Variants in OR5L1 observed in about 807,000 individuals in gnomAD.
OR5L1 encodes the protein olfactory receptor 5L1.
For synonymous variants in OR5L1, 197 were observed against 146.6 expected (o/e 1.34, Z -2.49); for missense variants, 398 against 365.8 (o/e 1.09, Z -0.72).
Position 55,811,372 on chromosome 11 carries a change from C to T in OR5L1, c.-95C>T. On this transcript the variant is annotated 5_prime_UTR_variant, in exon 1 of 1. Transcript: ENST00000625203. ...TAAACTATCCTACTTTTTCTGGTGTCTTTTTACAGGATACAGCCAAAACTA... is the reference window on the plus strand; with the variant it reads ...TAAACTATCCTACTTTTTCTGGTGTTTTTTTACAGGATACAGCCAAAACTA... The T allele has an allele frequency of 7.5e-7, 1 of 1,331,766 alleles. No individual in the cohort carries two copies. The highest frequency in any genetic ancestry group is 1.0e-6 in the Non-Finnish European group (1 of 984,776). The allele number at this position is 1,331,766 out of a possible 1,614,324, so 82.5% of individuals were successfully genotyped here.
rs34961497 is a variant in OR5L1, at chr11:55,811,626, C to G, written c.160C>G (p.Arg54Gly). 6.2e-7 allele frequency: 1 copy of G among 1,613,444 alleles called. No homozygotes were observed. Among genetic ancestry groups the G allele is most frequent in the Non-Finnish European group, 8.5e-7 (1 of 1,179,676 alleles). ...GATTGCACTGATTCAGGTCAGCTCTCGGCTCCACACCCCCATGTACTTTTT... is the reference window on the plus strand; with the variant it reads ...GATTGCACTGATTCAGGTCAGCTCTGGGCTCCACACCCCCATGTACTTTTT... ...GMIALIQVSS[R>G]LHTPMYFFLS... The change falls in exon 1 of 1, where the codon CGG becomes GGG. Residue 54 changes from arginine (R) to glycine (G), a missense_variant. Transcript: ENST00000625203.
At position 55,811,708 on chromosome 11, in the gene OR5L1, T is replaced by C. The variant is rs1287690301; in HGVS notation, c.242T>C (p.Met81Thr). The change falls in exon 1 of 1, where the codon ATG becomes ACG. Residue 81 changes from methionine to threonine, a missense_variant. Met to Thr is a moderately conservative substitution (Grantham distance 81). Coordinates refer to ENST00000625203, the MANE Select transcript of OR5L1 (RefSeq NM_001004738.2). ...FCYSSIIVPK[M>T]LANIFNKDKA... The stretch of plus-strand genomic sequence containing the variant: ...TACTCCTCAATAATTGTGCCAAAAA[T>C]GTTGGCTAATATCTTTAACAAGGAC... 2 of 1,614,106 alleles carry C rather than the reference T, an allele frequency of 1.2e-6. No individual in the cohort carries two copies. Among genetic ancestry groups the C allele is most frequent in the Admixed American group, 1.7e-5 (1 of 60,016 alleles).
In OR5L1 at chr11:55,811,871, C is replaced by T. The variant is rs775584739; in HGVS notation, c.405C>T (p.Thr135=). 1.2e-6 allele frequency: 2 copies of T among 1,613,894 alleles called. No homozygotes were observed. The highest frequency in any genetic ancestry group is 1.3e-5 in the African/African-American group (1 of 74,776). ...GTAACCCTTTGCTATACACAGTCAC[C>T]ATGTCTTGGAAGGTGCGTGTGGAGC... The part of the protein sequence containing the change: ...AICNPLLYTV[T]MSWKVRVELA... Residue 135 remains threonine, a synonymous_variant, in exon 1 of 1, where the codon ACC becomes ACT. Coordinates refer to ENST00000625203, the MANE Select transcript of OR5L1 (RefSeq NM_001004738.2).
At position 55,812,220 on chromosome 11, in the gene OR5L1, C is replaced by A; in HGVS notation, c.754C>A (p.His252Asn). ...ASHLTAITVF[H>N]GTVLSIYCRP... ...CCACCTCACAGCTATCACTGTCTTCCATGGAACAGTCCTTTCCATTTATTG... is the reference window on the plus strand; with the variant it reads ...CCACCTCACAGCTATCACTGTCTTCAATGGAACAGTCCTTTCCATTTATTG... The change falls in exon 1 of 1, where the codon CAT becomes AAT. Residue 252 changes from histidine to asparagine, a missense_variant. Transcript: ENST00000625203. 6.2e-7 allele frequency: 1 copy of A among 1,613,906 alleles called. No homozygotes were observed. Among genetic ancestry groups the A allele is most frequent in the Non-Finnish European group, 8.5e-7 (1 of 1,180,006 alleles).
At position 55,811,476 on chromosome 11, in the gene OR5L1, G is replaced by A. The variant is rs149863919; in HGVS notation, c.10G>A (p.Glu4Lys). 1.2e-6 allele frequency: 2 copies of A among 1,611,030 alleles called. No homozygotes were observed. The highest frequency in any genetic ancestry group is 1.7e-5 in the Admixed American group (1 of 59,746). Reference protein sequence around the residue: MGKENCTTVAEFIL... With the variant: MGKKNCTTVAEFIL... ...CATATAAATTGGAGACATGGGCAAG[G>A]AAAACTGCACCACTGTGGCTGAGTT... Residue 4 changes from glutamate (E) to lysine (K), a missense_variant, in exon 1 of 1, where the codon GAA becomes AAA. Coordinates refer to ENST00000625203, the MANE Select transcript of OR5L1 (RefSeq NM_001004738.2).
At position 55,811,814 on chromosome 11, in the gene OR5L1, C is replaced by G. The variant is rs569106078; in HGVS notation, c.348C>G (p.Ala116=). The part of the protein sequence containing the change: ...TCVVTEVFLL[A]VMAYDRFVAI... ...TGGTCACTGAGGTCTTCCTGCTGGC[C>G]GTGATGGCCTATGACCGCTTTGTGG... The change falls in exon 1 of 1, where the codon GCC becomes GCG. Residue 116 remains alanine, a synonymous_variant. Transcript: ENST00000625203. 2 of 1,614,008 alleles carry G rather than the reference C, an allele frequency of 1.2e-6. No individual in the cohort carries two copies. Among genetic ancestry groups the G allele is most frequent in the Non-Finnish European group, 1.7e-6 (2 of 1,180,034 alleles).
rs1249263359 is a variant in OR5L1 at position 55,812,177 on chromosome 11, C to T, written c.711C>T (p.Ala237=). 3.7e-6 allele frequency: 6 copies of T among 1,613,844 alleles called. No homozygotes were observed. The highest frequency in any genetic ancestry group is 2.7e-5 in the African/African-American group (2 of 74,742). ...GCTCTGCAGAGGGCAGGCACAAAGC[C>T]TTCTCCACCTGTGCTTCCCACCTCA... ...KMGSAEGRHK[A]FSTCASHLTA... The change falls in exon 1 of 1, where the codon GCC becomes GCT. Residue 237 remains alanine, a synonymous_variant. Coordinates refer to ENST00000625203, the MANE Select transcript of OR5L1 (RefSeq NM_001004738.2).
chr11:55,812,393 T>G lies in OR5L1; in HGVS notation c.927T>G (p.Ile309Met). Reference sequence around the variant, plus strand: ...TCAGAAAAGTGATGGGCTCCAAAATTCACTCCTAGGGAAGATTTTATTAGC... The same window carrying G: ...TCAGAAAAGTGATGGGCTCCAAAATGCACTCCTAGGGAAGATTTTATTAGC... ...EALRKVMGSK[I>M]HS is the part of the protein sequence containing the mutation. Residue 309 changes from isoleucine (I) to methionine (M), a missense_variant, in exon 1 of 1, where the codon ATT (isoleucine) becomes ATG (methionine). Ile to Met is a conservative substitution (Grantham distance 10). Transcript: ENST00000625203. 1 of 1,602,030 alleles carries G rather than the reference T, an allele frequency of 6.2e-7. No homozygotes were observed. Among genetic ancestry groups the G allele is most frequent in the Non-Finnish European group, 8.5e-7 (1 of 1,174,164 alleles).
In OR5L1 at chr11:55,812,253, A is replaced by G. The variant is rs139839955; in HGVS notation, c.787A>G (p.Ser263Gly). ...AGTCCTTTCCATTTATTGCAGGCCCAGTTCAGGCAATAGTGGAGATGCTGA... is the reference window on the plus strand; with the variant it reads ...AGTCCTTTCCATTTATTGCAGGCCCGGTTCAGGCAATAGTGGAGATGCTGA... ...GTVLSIYCRP[S>G]SGNSGDADKV... Residue 263 changes from serine to glycine, a missense_variant, in exon 1 of 1, where the codon AGT becomes GGT. Transcript: ENST00000625203. 8 of 1,613,830 alleles carry G rather than the reference A, an allele frequency of 5.0e-6. No homozygotes were observed. The highest frequency in any genetic ancestry group is 3.3e-5 in the South Asian group (3 of 91,080).
Position 55,811,962 on chromosome 11 carries a change from A to C in OR5L1, c.496A>C (p.Ile166Leu). The change falls in exon 1 of 1, where the codon ATC becomes CTC. Residue 166 changes from isoleucine to leucine, a missense_variant. Physicochemically the swap from Ile to Leu is conservative, Grantham distance 5 (BLOSUM62 2). Coordinates refer to ENST00000625203, the MANE Select transcript of OR5L1 (RefSeq NM_001004738.2). ...SLIHLCLALR[I>L]PFYRSNVINH... ...GATTCATTTGTGCTTAGCTCTTAGG[A>C]TCCCCTTCTATAGATCTAATGTGAT... 4 of 1,613,692 alleles carry C rather than the reference A, an allele frequency of 2.5e-6. No individual in the cohort carries two copies. Among genetic ancestry groups the C allele is most frequent in the Non-Finnish European group, 3.4e-6 (4 of 1,179,920 alleles).
At position 55,811,617 on chromosome 11, in the gene OR5L1, G is replaced by C; in HGVS notation, c.151G>C (p.Val51Leu). 1.2e-6 allele frequency: 2 copies of C among 1,613,924 alleles called. No homozygotes were observed. The highest frequency in any genetic ancestry group is 1.7e-6 in the Non-Finnish European group (2 of 1,180,014). The change falls in exon 1 of 1, where the codon GTC (valine) becomes CTC (leucine). Residue 51 changes from valine to leucine, a missense_variant. Val to Leu is a conservative substitution (Grantham distance 32, BLOSUM62 1). Coordinates refer to ENST00000625203, the MANE Select transcript of OR5L1 (RefSeq NM_001004738.2). ...ANLGMIALIQVSSRLHTPMYF... is the reference protein window; with the variant it reads ...ANLGMIALIQLSSRLHTPMYF... Reference sequence around the variant, plus strand: ...CCTGGGCATGATTGCACTGATTCAGGTCAGCTCTCGGCTCCACACCCCCAT... The same window carrying C: ...CCTGGGCATGATTGCACTGATTCAGCTCAGCTCTCGGCTCCACACCCCCAT...
In OR5L1 at chr11:55,811,454, A is replaced by G. The variant is rs1853685847; in HGVS notation, c.-13A>G. The G allele has an allele frequency of 6.2e-7, 1 of 1,603,940 alleles. No individual in the cohort carries two copies. Among genetic ancestry groups the G allele is most frequent in the South Asian group, 1.1e-5 (1 of 89,846 alleles). On this transcript the variant is annotated 5_prime_UTR_variant, in exon 1 of 1. In the 5' UTR this introduces an upstream ATG that the reference lacks. Transcript: ENST00000625203. ...TAAGTTTCTTTTCCTCCAATCTCAT[A>G]TAAATTGGAGACATGGGCAAGGAAA...
At position 55,811,946 on chromosome 11, in the gene OR5L1, G is replaced by A. The variant is rs1323614032; in HGVS notation, c.480G>A (p.Leu160=). 9.3e-6 allele frequency: 15 copies of A among 1,613,788 alleles called. No homozygotes were observed. In the Admixed American group the frequency reaches 2.0e-4, roughly 22 times the overall value. ...FCGTVCSLIH[L]CLALRIPFYR... Reference sequence around the variant, plus strand: ...GGACGGTGTGTTCTCTGATTCATTTGTGCTTAGCTCTTAGGATCCCCTTCT... The same window carrying A: ...GGACGGTGTGTTCTCTGATTCATTTATGCTTAGCTCTTAGGATCCCCTTCT... The change falls in exon 1 of 1, where the codon TTG becomes TTA. Residue 160 remains leucine, a synonymous_variant. Transcript: ENST00000625203.
In OR5L1 at chr11:55,812,271, G is replaced by A. The variant is rs757419570; in HGVS notation, c.805G>A (p.Asp269Asn). ...CAGGCCCAGTTCAGGCAATAGTGGAGATGCTGACAAAGTGGCCACCGTGTT... is the reference window on the plus strand; with the variant it reads ...CAGGCCCAGTTCAGGCAATAGTGGAAATGCTGACAAAGTGGCCACCGTGTT... The part of the protein sequence containing the change: ...YCRPSSGNSG[D>N]ADKVATVFYT... The change falls in exon 1 of 1, where the codon GAT (aspartate) becomes AAT (asparagine). Residue 269 changes from aspartate (D) to asparagine (N), a missense_variant. Asp to Asn is a conservative substitution (Grantham distance 23). Transcript: ENST00000625203. 1 of 1,404,870 alleles carries A rather than the reference G, an allele frequency of 7.1e-7. No individual in the cohort carries two copies. The allele number at this position is 1,404,870 out of a possible 1,614,324, so 87.0% of individuals were successfully genotyped here.
In OR5L1 at chr11:55,811,730, G is replaced by A; in HGVS notation, c.264G>A (p.Lys88=). 1 of 1,614,026 alleles carries A rather than the reference G, an allele frequency of 6.2e-7. No individual in the cohort carries two copies. ...VPKMLANIFN[K]DKAISFLGCM... is the part of the protein sequence containing the mutation. ...AAATGTTGGCTAATATCTTTAACAAGGACAAAGCCATCTCCTTCCTAGGGT... is the reference window on the plus strand; with the variant it reads ...AAATGTTGGCTAATATCTTTAACAAAGACAAAGCCATCTCCTTCCTAGGGT... Residue 88 remains lysine, a synonymous_variant, in exon 1 of 1, where the codon AAG becomes AAA. Coordinates refer to ENST00000625203, the MANE Select transcript of OR5L1 (RefSeq NM_001004738.2).
chr11:55,811,858 T>A lies in OR5L1; in HGVS notation c.392T>A (p.Leu131Gln), dbSNP rs1250374482. 1 of 1,613,926 alleles carries A rather than the reference T, an allele frequency of 6.2e-7. No homozygotes were observed. Among genetic ancestry groups the A allele is most frequent in the Non-Finnish European group, 8.5e-7 (1 of 1,180,022 alleles). ...DRFVAICNPL[L>Q]YTVTMSWKVR... ...TTTGTGGCCATCTGTAACCCTTTGC[T>A]ATACACAGTCACCATGTCTTGGAAG... Residue 131 changes from leucine to glutamine, a missense_variant, in exon 1 of 1, where the codon CTA (leucine) becomes CAA (glutamine). Coordinates refer to ENST00000625203, the MANE Select transcript of OR5L1 (RefSeq NM_001004738.2).
Position 55,811,452 on chromosome 11 carries a change from A to G in OR5L1, c.-15A>G. ...TTTAAGTTTCTTTTCCTCCAATCTC[A>G]TATAAATTGGAGACATGGGCAAGGA... On this transcript the variant is annotated 5_prime_UTR_variant, in exon 1 of 1. Coordinates refer to ENST00000625203, the MANE Select transcript of OR5L1 (RefSeq NM_001004738.2). The G allele has an allele frequency of 6.2e-7, 1 of 1,602,454 alleles. No individual in the cohort carries two copies. Among genetic ancestry groups the G allele is most frequent in the Non-Finnish European group, 8.5e-7 (1 of 1,174,066 alleles).
Position 55,812,408 on chromosome 11 carries a change from A to T in OR5L1, c.*6A>T, listed in dbSNP as rs1853712869. 6.3e-7 allele frequency: 1 copy of T among 1,585,566 alleles called. No homozygotes were observed. The highest frequency in any genetic ancestry group is 2.2e-5 in the East Asian group (1 of 44,806). ...GCTCCAAAATTCACTCCTAGGGAAG[A>T]TTTTATTAGCACAATTCAGGATTCC... On this transcript the variant is annotated 3_prime_UTR_variant, in exon 1 of 1. Coordinates refer to ENST00000625203, the MANE Select transcript of OR5L1 (RefSeq NM_001004738.2).
rs764498675 is a variant in OR5L1, at chr11:55,812,306, C to G, written c.840C>G (p.Val280=). The G allele has an allele frequency of 6.2e-7, 1 of 1,613,770 alleles. No homozygotes were observed. Among genetic ancestry groups the G allele is most frequent in the Non-Finnish European group, 8.5e-7 (1 of 1,179,866 alleles). The part of the protein sequence containing the change: ...ADKVATVFYT[V]VIPMLNSVIY... ...AAGTGGCCACCGTGTTCTACACAGTCGTGATTCCTATGCTGAACTCTGTGA... is the reference window on the plus strand; with the variant it reads ...AAGTGGCCACCGTGTTCTACACAGTGGTGATTCCTATGCTGAACTCTGTGA... Residue 280 remains valine, a synonymous_variant, in exon 1 of 1, where the codon GTC becomes GTG. Transcript: ENST00000625203.
Sources: allele counts gnomAD v4.1 joint callset, GRCh38; gene constraint gnomAD v4.1.1; transcripts MANE v1.5; gene names NCBI Gene and HGNC (gene_info 2026-07-23, HGNC 2026-07-21).